The following ZNF837 variants were observed in gnomAD, a reference collection of about 807,000 sequenced individuals.
ZNF837 encodes zinc finger protein 837.
For missense variants in ZNF837, 955 were observed against 801.7 expected (o/e 1.19, Z -2.31); for synonymous variants, 475 against 365.2 (o/e 1.30, Z -3.43).
chr19:58,369,370 G>T lies in ZNF837; in HGVS notation c.-29-9C>A. The T allele has an allele frequency of 8.3e-6, 11 of 1,328,354 alleles. No individual in the cohort carries two copies. Among genetic ancestry groups the T allele is most frequent in the South Asian group, 2.2e-5 (1 of 45,436 alleles). The allele number at this position is 1,328,354 out of a possible 1,614,324, so 82.3% of individuals were successfully genotyped here. On this transcript the variant is annotated splice_polypyrimidine_tract_variant and intron_variant, in intron 2 of 2. Transcript: ENST00000597582. ...AGTTCTGGTTGTAGGATCTGGAAGA[G>T]CAGAGAAGAAATGGAGGTTGGCGGT... is the stretch of plus-strand genomic sequence containing the variant.
intron 1 of ZNF837, among the ~76,000 whole-genome samples, chr19:58,373,915 G>T (rs73939634): frequency 3.3e-5 from 5 of 152,208 alleles, no homozygotes; most frequent in Non-Finnish European, 7.4e-5. Context: ...ATTTCAAAAA[G>T]CACCACTCAT....
Position 58,367,643 on chromosome 19 carries a change from CAA to C in ZNF837, c.*92_*93del, listed in dbSNP as rs1182745394. 1.4e-6 allele frequency: 2 copies of C among 1,408,544 alleles called. No homozygotes were observed. Among genetic ancestry groups the C allele is most frequent in the African/African-American group, 1.5e-5 (1 of 67,526 alleles). The allele number at this position is 1,408,544 out of a possible 1,614,324, so 87.3% of individuals were successfully genotyped here. On this transcript the variant is annotated 3_prime_UTR_variant, in exon 3 of 3. Coordinates refer to ENST00000597582, the MANE Select transcript of ZNF837 (RefSeq NM_138466.2). ...CCATGTGTACAAAGTGAAGTTTAAT[CAA>C]AGTTACAAACGTTGGTGGGTTTTCC... is the stretch of plus-strand genomic sequence containing the variant.
In ZNF837 at chr19:58,378,896, C is replaced by T. The variant is rs540822736; in HGVS notation, c.-140+2045G>A. On this transcript the variant is annotated intron_variant, in intron 1 of 2. Coordinates refer to ENST00000597582, the MANE Select transcript of ZNF837 (RefSeq NM_138466.2). ...CCACACTCCAAGGAACACCCGGAGC[C>T]GCCAGAAGCCGGAAGAGGCAAGGAA... Among the ~76,000 whole-genome samples the T allele has an allele frequency of 8.5e-5, 13 of 152,150 alleles. 1 individual carries two copies. The East Asian group carries it at 1.9e-3, about 23-fold the overall frequency.
intron 1 of ZNF837, among the ~76,000 whole-genome samples, chr19:58,375,710 T>G (rs915223711): frequency 7.9e-5 from 12 of 151,466 alleles, no homozygotes; most frequent in Admixed American, 7.2e-4. Context: ...CCTCCCAAAG[T>G]GCTGGGATTA....
At chr19:58,370,753 G>A (rs1440357634) in intron 1 of ZNF837, among the ~76,000 whole-genome samples, 1 of 151,700 alleles carries the variant, frequency 6.6e-6, no homozygotes, top group East Asian at 1.9e-4. Flanking sequence ...AAATTAGCCA[G>A]GCATGGTGGT....
chr19:58,368,914 T>A lies in ZNF837; in HGVS notation c.419A>T (p.Glu140Val). 6.5e-7 allele frequency: 1 copy of A among 1,547,342 alleles called. No individual in the cohort carries two copies. The highest frequency in any genetic ancestry group is 8.7e-7 in the Non-Finnish European group (1 of 1,145,532). ...LAWHRGAPAG[E>V]TPPVCDPCPE... ...ACAGGGGTCACACACGGGTGGCGTC[T>A]CCCCAGCGGGCGCCCCGCGATGCCA... Residue 140 changes from glutamate (E) to valine (V), a missense_variant, in exon 3 of 3, where the codon GAG (glutamate) becomes GTG (valine). Physicochemically the swap from Glu to Val is moderately radical, Grantham distance 121 (BLOSUM62 -2). Coordinates refer to ENST00000597582, the MANE Select transcript of ZNF837 (RefSeq NM_138466.2).
chr19:58,372,066 T>C (rs2052206992), intron 1 of ZNF837, among the ~76,000 whole-genome samples: 2 of 150,468 alleles, frequency 1.3e-5, no homozygotes, highest in African/African-American at 4.9e-5. Flanking sequence ...TATTTTTATT[T>C]ATTTAGAGAC....
rs758270968 is a variant in ZNF837, at chr19:58,367,723, T to C, written c.*14A>G. The C allele has an allele frequency of 6.5e-5, 97 of 1,494,012 alleles. No homozygotes were observed. The Admixed American group carries it at 9.1e-4, about 14-fold the overall frequency. 92.5% of individuals were successfully genotyped at this position (1,494,012 alleles called of 1,614,324 possible). A position where few individuals can be genotyped will look rare whatever the true frequency, so the allele number is the denominator to read the frequency against. ...GTTCGCTTGGGCGACGCGTCGACTC[T>C]CGGCTCCCTGCAGTCAAGGCGCGGC... On this transcript the variant is annotated 3_prime_UTR_variant, in exon 3 of 3. Coordinates refer to ENST00000597582, the MANE Select transcript of ZNF837 (RefSeq NM_138466.2).
intron 1 of ZNF837, among the ~76,000 whole-genome samples, chr19:58,373,616 T>C (rs562891104): frequency 1.9e-3 from 284 of 152,372 alleles, no homozygotes; most frequent in African/African-American, 6.6e-3. Context: ...CTGTCCCTTC[T>C]GCCCTCAGGT....
rs1266715325 is a variant in ZNF837 at position 58,368,868 on chromosome 19, G to A, written c.465C>T (p.His155=). The change falls in exon 3 of 3, where the codon CAC becomes CAT. Residue 155 remains histidine, a synonymous_variant. Transcript: ENST00000597582. ...CDPCPERIQN[H]PRTQLCEVHT... ...GGACCTCACACAGTTGAGTCCGGGG[G>A]TGGTTCTGGATCCGCTCCGGACAGG... 1 of 1,547,714 alleles carries A rather than the reference G, an allele frequency of 6.5e-7. No homozygotes were observed. Among genetic ancestry groups the A allele is most frequent in the South Asian group, 1.2e-5 (1 of 84,052 alleles).
intron 2 of ZNF837, 112 bp from the exon 3 acceptor site, chr19:58,369,473 T>C: frequency 1.1e-6 from 1 of 879,622 alleles, no homozygotes; most frequent in East Asian, 3.3e-5. Flanking sequence ...GGCCCCCAGC[T>C]CTCTGCAGAT....
chr19:58,374,864 T>C (rs1281754293), intron 1 of ZNF837, among the ~76,000 whole-genome samples: 1 of 145,452 alleles, frequency 6.9e-6, no homozygotes, highest in Non-Finnish European at 1.5e-5. Flanking sequence ...ACCTGGGAGG[T>C]GGAGGCTGCA....
intron 1 of ZNF837, among the ~76,000 whole-genome samples, chr19:58,379,101 G>T (rs1409476117): frequency 6.6e-6 from 1 of 152,218 alleles, no homozygotes; most frequent in African/African-American, 2.4e-5. Context: ...CAGAATGTGT[G>T]TGTTGTAAGG....
rs1340843172 is a variant in ZNF837, at chr19:58,380,930, A to C, written c.-140+11T>G. The C allele has an allele frequency of 6.7e-6, 1 of 150,320 alleles. No homozygotes were observed. The highest frequency in any genetic ancestry group is 1.5e-5 in the Non-Finnish European group (1 of 67,636). The allele number at this position is 150,320 out of a possible 1,614,324, so 9.3% of individuals were successfully genotyped here. A position where few individuals can be genotyped will look rare whatever the true frequency, so the allele number is the denominator to read the frequency against. On this transcript the variant is annotated intron_variant, in intron 1 of 2. Transcript: ENST00000597582. ...GGCCGAGGTTGCGGGTCCGCGCAGA[A>C]TGCCACTTACTCTCTGGAGGCGGCC... is the stretch of plus-strand genomic sequence containing the variant.
At chr19:58,374,078 A>C (rs576258811) in intron 1 of ZNF837, among the ~76,000 whole-genome samples, 1 of 151,924 alleles carries the variant, frequency 6.6e-6, no homozygotes, top group East Asian at 1.9e-4. Context: ...TACAGAACAC[A>C]CTCCCACCTG....
Position 58,367,670 on chromosome 19 carries a change from C to T in ZNF837, c.*67G>A, listed in dbSNP as rs998517750. 2.8e-6 allele frequency: 4 copies of T among 1,432,168 alleles called. No individual in the cohort carries two copies. The highest frequency in any genetic ancestry group is 3.6e-6 in the Non-Finnish European group (4 of 1,098,258). 88.7% of individuals were successfully genotyped at this position (1,432,168 alleles called of 1,614,324 possible). A position where few individuals can be genotyped will look rare whatever the true frequency, so the allele number is the denominator to read the frequency against. ...AAGTTACAAACGTTGGTGGGTTTTC[C>T]GGGACAAAGGCCCCTCCTCGACGCA... On this transcript the variant is annotated 3_prime_UTR_variant, in exon 3 of 3. Transcript: ENST00000597582.
Position 58,368,041 on chromosome 19 carries a change from CG to C in ZNF837, c.1291del (p.Arg431AlafsTer?). On this transcript the variant is annotated frameshift_variant, in exon 3 of 3. Transcript: ENST00000597582. LOFTEE classifies it low-confidence loss of function (END_TRUNC). ...CPLCEKAFKGRSGLVQHQRAH... is the reference protein window; with the variant it reads ...CPLCEKAFKGXSGLVQHQRAH... ...GCGCTGGTGTTGCACCAGGCCCGAG[CG>C]GCCCTTGAAGGCCTTTTCGCACAGT... 6.5e-7 allele frequency: 1 copy of C among 1,534,872 alleles called. No homozygotes were observed.
chr19:58,368,676 C>A lies in ZNF837; in HGVS notation c.657G>T (p.Gln219His). Reference sequence around the variant, plus strand: ...CACACGGACGGGGCTCCTCCGTCGCCTGCAGCCTCTCCTGGGGGATCCGCA... The same window carrying A: ...CACACGGACGGGGCTCCTCCGTCGCATGCAGCCTCTCCTGGGGGATCCGCA... Reference protein sequence around the residue: ...RALRIPQERLQATEEPRPCAR... With the variant: ...RALRIPQERLHATEEPRPCAR... Residue 219 changes from glutamine (Q) to histidine (H), a missense_variant, in exon 3 of 3, where the codon CAG becomes CAT. Physicochemically the swap from Gln to His is conservative, Grantham distance 24. Coordinates refer to ENST00000597582, the MANE Select transcript of ZNF837 (RefSeq NM_138466.2). 1 of 1,530,640 alleles carries A rather than the reference C, an allele frequency of 6.5e-7. No individual in the cohort carries two copies. The allele number at this position is 1,530,640 out of a possible 1,614,324, so 94.8% of individuals were successfully genotyped here.
chr19:58,370,380 C>T (rs1328635782), intron 1 of ZNF837, among the ~76,000 whole-genome samples: 2 of 152,122 alleles, frequency 1.3e-5, no homozygotes, highest in Non-Finnish European at 2.9e-5. Context: ...TCACACTAGG[C>T]CAACCACACA....
Sources: gnomAD v4.1 joint callset for allele counts (sites outside exome capture counted in the v4.1 genomes callset) on GRCh38, gnomAD v4.1.1 for gene constraint, MANE v1.5 for transcripts, NCBI Gene and HGNC (gene_info 2026-07-23, HGNC 2026-07-21) for gene names.